The following LETMD1 variants were observed in gnomAD, a reference collection of about 807,000 sequenced individuals.
LETMD1 encodes LETM1 domain-containing protein 1.
Under a neutral mutation model 43.9 loss-of-function variants are expected in LETMD1, and 30 were observed. The ratio of observed to expected loss-of-function variants is 0.68; its 90% confidence interval spans 0.51 to 0.93. The LOEUF (loss-of-function observed/expected upper bound fraction) is 0.93. LETMD1 is among the 40% of genes least tolerant of loss of function. The pLI, the probability that LETMD1 is intolerant of heterozygous loss-of-function variation, is 0.00. For synonymous variants in LETMD1, 176 were observed against 163.1 expected (o/e 1.08, Z -0.60); for missense variants, 413 against 447.7 (o/e 0.92, Z 0.70).
chr12:51,064,776 T>C, downstream of LETMD1: 1 of 914,350 alleles, frequency 1.1e-6, no homozygotes. Flanking sequence ...GGTCTCCTTG[T>C]AAGAAGAAAA....
intron 1 of LETMD1, 70 bp from the exon 2 acceptor site, chr12:51,048,964 A>AAT: frequency 7.1e-7 from 1 of 1,408,288 alleles, no homozygotes; most frequent in South Asian, 1.3e-5. Flanking sequence ...CCTGCTTTAC[A>AAT]TTAGGGACTC....
downstream of LETMD1, among the ~76,000 whole-genome samples, chr12:51,061,047 A>T (rs1267144086): frequency 2.6e-5 from 4 of 152,094 alleles, no homozygotes; most frequent in Non-Finnish European, 4.4e-5. Flanking sequence ...AGCTCTTGGT[A>T]CTCCAAAGAG....
chr12:51,048,229 T>G, upstream of LETMD1: 1 of 1,266,254 alleles, frequency 7.9e-7, no homozygotes, highest in Non-Finnish European at 1.1e-6. Context: ...TGGCTTGTGC[T>G]GGAGCCAAGC....
At chr12:51,066,346 G>A in the LETMD1 span, among the ~76,000 whole-genome samples, 11 of 151,926 alleles carry the variant, frequency 7.2e-5, 1 homozygote, top group Admixed American at 3.3e-4. Context: ...CCAGCTACTC[G>A]GGAGGCTGAG....
chr12:51,052,037 G>A, intron 2 of LETMD1, 55 bp from the exon 3 acceptor site: 1 of 1,522,564 alleles, frequency 6.6e-7, no homozygotes, highest in South Asian at 1.2e-5. Context: ...GGAAGCTGTG[G>A]TTAAGATTTA....
At chr12:51,066,784 TGAACAA>T in the LETMD1 span, among the ~76,000 whole-genome samples, 3 of 152,212 alleles carry the variant, frequency 2.0e-5, no homozygotes, top group Admixed American at 6.5e-5. Flanking sequence ...GTAGAGGTAC[TGAACAA>T]TAAGTGTTTG....
chr12:51,055,747 A>G (rs1674277067), intron 4 of LETMD1, 88 bp from the exon 5 acceptor site: 2 of 764,428 alleles, frequency 2.6e-6, no homozygotes, highest in Middle Eastern at 2.5e-4. Context: ...TCTTCTTCCT[A>G]GTATTCATGT....
the LETMD1 span, among the ~76,000 whole-genome samples, chr12:51,066,952 C>G: frequency 6.8e-6 from 1 of 146,366 alleles, no homozygotes; most frequent in Non-Finnish European, 1.5e-5. Flanking sequence ...ATCTCAGCCT[C>G]TTGAGTACCT....
chr12:51,060,621 G>A (rs1371156101), downstream of LETMD1, among the ~76,000 whole-genome samples: 1 of 152,172 alleles, frequency 6.6e-6, no homozygotes, highest in Non-Finnish European at 1.5e-5. Flanking sequence ...AATGGAATGA[G>A]GCCGGGCGCG....
At chr12:51,050,256 C>A (rs12427345) in intron 2 of LETMD1, among the ~76,000 whole-genome samples, 1 of 149,718 alleles carries the variant, frequency 6.7e-6, no homozygotes, top group Admixed American at 6.7e-5. Context: ...TGAGTCTCAC[C>A]GTGTCGCCCA....
At chr12:51,064,070 C>T (rs373534394), downstream of LETMD1, 28 of 1,614,066 alleles carry the variant, frequency 1.7e-5, no homozygotes, top group East Asian at 2.2e-5. Context: ...AGCCTTCTTC[C>T]GTACCAGGCT....
Position 51,049,152 on chromosome 12 carries a change from C to T in LETMD1, c.241C>T (p.Arg81Cys), listed in dbSNP as rs776074718. 7 of 1,613,786 alleles carry T rather than the reference C, an allele frequency of 4.3e-6. No homozygotes were observed. The South Asian group carries it at 4.4e-5, about 10-fold the overall frequency. Residue 81 changes from arginine (R) to cysteine (C), a missense_variant, in exon 2 of 9, where the codon CGC becomes TGC. By Grantham distance (180) the Arg-to-Cys change is radical (BLOSUM62 -3). Coordinates refer to ENST00000262055, the MANE Select transcript of LETMD1 (RefSeq NM_015416.5). ...YHRFLGRHFPRFYVLYTIFMK... is the reference protein window; with the variant it reads ...YHRFLGRHFPCFYVLYTIFMK... ...TCGTTTCTTGGGTCGTCATTTCCCC[C>T]GCTTCTATGTCCTGTACACAATCTT... is the stretch of plus-strand genomic sequence containing the variant.
chr12:51,063,879 T>TGGAA (rs752869617), downstream of LETMD1: 1 of 1,613,850 alleles, frequency 6.2e-7, no homozygotes, highest in African/African-American at 1.3e-5. Flanking sequence ...CCAGGAAGGG[T>TGGAA]GGAAGTCTTC....
chr12:51,068,157 CATTTT>C, the LETMD1 span, among the ~76,000 whole-genome samples: 1 of 152,164 alleles, frequency 6.6e-6, no homozygotes, highest in African/African-American at 2.4e-5. Flanking sequence ...GGAAAACTGT[CATTTT>C]ATTTATTTTT....
chr12:51,066,377 C>A, the LETMD1 span, among the ~76,000 whole-genome samples: 2 of 149,452 alleles, frequency 1.3e-5, no homozygotes, highest in Non-Finnish European at 3.0e-5. Context: ...TGCTTGAACC[C>A]GGGAGGCAGA....
chr12:51,058,482 G>A lies in LETMD1; in HGVS notation c.1012+354G>A, dbSNP rs192124769. 31 of 213,650 alleles carry A rather than the reference G, an allele frequency of 1.5e-4. No individual in the cohort carries two copies. In the East Asian group the frequency reaches 3.4e-3, roughly 24 times the overall value. The allele number at this position is 213,650 out of a possible 1,614,324, so 13.2% of individuals were successfully genotyped here. A position where few individuals can be genotyped will look rare whatever the true frequency, so the allele number is the denominator to read the frequency against. ...TGCCCAGGCTGGAGTGCAATGGTGC[G>A]ATCTCGGCTCACCGTAACCTCTGCC... On this transcript the variant is annotated intron_variant, in intron 8 of 8. Coordinates refer to ENST00000262055, the MANE Select transcript of LETMD1 (RefSeq NM_015416.5).
downstream of LETMD1, chr12:51,064,547 C>T (rs1566173222): frequency 6.2e-7 from 1 of 1,613,504 alleles, no homozygotes; most frequent in Non-Finnish European, 8.5e-7. Flanking sequence ...TGCTCTCCAG[C>T]TCCAGCTTCA....
In LETMD1 at chr12:51,059,506, C is replaced by A; in HGVS notation, c.*75C>A. Reference sequence around the variant, plus strand: ...TGCAGGAACAAACAGCACTTGCCAGCAAAGTCTGTGTGTACTGTTAAGTGT... The same window carrying A: ...TGCAGGAACAAACAGCACTTGCCAGAAAAGTCTGTGTGTACTGTTAAGTGT... On this transcript the variant is annotated 3_prime_UTR_variant, in exon 9 of 9. Coordinates refer to ENST00000262055, the MANE Select transcript of LETMD1 (RefSeq NM_015416.5). The A allele has an allele frequency of 7.5e-7, 1 of 1,335,840 alleles. No individual in the cohort carries two copies. Among genetic ancestry groups the A allele is most frequent in the Non-Finnish European group, 1.1e-6 (1 of 928,500 alleles). The allele number at this position is 1,335,840 out of a possible 1,614,324, so 82.7% of individuals were successfully genotyped here. A position where few individuals can be genotyped will look rare whatever the true frequency, so the allele number is the denominator to read the frequency against.
At chr12:51,062,806 C>T (rs1306610848), downstream of LETMD1, 2 of 152,382 alleles carry the variant, frequency 1.3e-5, no homozygotes, top group African/African-American at 4.8e-5. Flanking sequence ...GAGGGAAAAA[C>T]CTGGGTGAAA....
Sources: allele counts gnomAD v4.1 joint callset (sites outside exome capture counted in the v4.1 genomes callset), GRCh38; gene constraint gnomAD v4.1.1; transcripts MANE v1.5; gene names NCBI Gene and HGNC (gene_info 2026-07-23, HGNC 2026-07-21).